ANKDD1B: variants seen among roughly 807,000 people sequenced by gnomAD.
The protein encoded by ANKDD1B is ankyrin repeat and death domain containing 1B, also known as ankyrin repeat and death domain-containing protein 1B.
Under a neutral mutation model 59.7 loss-of-function variants are expected in ANKDD1B, and 57 were observed. That is an observed-to-expected ratio of 0.95 (90% CI 0.77 to 1.19). The LOEUF is 1.19. Ranked by LOEUF, ANKDD1B falls within the 50% of genes most tolerant of loss-of-function variation. The pLI is 0.00. For missense variants in ANKDD1B, 602 were observed against 641.9 expected (o/e 0.94, Z 0.67); for synonymous variants, 216 against 239.5 (o/e 0.90, Z 0.91).
intron 5 of ANKDD1B, among the ~76,000 whole-genome samples, chr5:75,628,434 G>A (rs1207978814): frequency 6.6e-6 from 1 of 152,172 alleles, no homozygotes; most frequent in Non-Finnish European, 1.5e-5. Flanking sequence ...AGTTGCAACT[G>A]GGATCAGAAG....
At chr5:75,633,950 G>A (rs1239538968) in intron 5 of ANKDD1B, among the ~76,000 whole-genome samples, 1 of 152,176 alleles carries the variant, frequency 6.6e-6, no homozygotes, top group African/African-American at 2.4e-5. Context: ...ATGCTCTTGG[G>A]TTTTGTCCCT....
intron 5 of ANKDD1B, among the ~76,000 whole-genome samples, chr5:75,628,354 T>C (rs990666733): frequency 1.3e-5 from 2 of 152,180 alleles, no homozygotes; most frequent in South Asian, 2.1e-4. Flanking sequence ...ATACACTTAA[T>C]AATGGTTAAG....
intron 7 of ANKDD1B, among the ~76,000 whole-genome samples, chr5:75,637,268 A>AAAAAAAAAAAAAAAAAAAAAAAAAAAAC (rs1774342419): frequency 6.9e-6 from 1 of 145,400 alleles, no homozygotes; most frequent in Non-Finnish European, 1.5e-5. Context: ...AAAAAAAAAA[A>AAAAAAAAAAAAAAAAAAAAAAAAAAAAC]AAAAAGAAAG....
At chr5:75,615,470 T>C (rs1469148556) in intron 1 of ANKDD1B, among the ~76,000 whole-genome samples, 2 of 151,992 alleles carry the variant, frequency 1.3e-5, no homozygotes, top group East Asian at 3.8e-4. Flanking sequence ...AGAATGAACA[T>C]GTGAATCTGC....
chr5:75,635,068 A>G, intron 6 of ANKDD1B, 72 bp downstream of exon 6: 3 of 986,432 alleles, frequency 3.0e-6, no homozygotes, highest in Non-Finnish European at 3.0e-6. Context: ...AGGGGTAACA[A>G]TTGGCATGTA....
chr5:75,652,605 GC>G (rs1329704696), intron 7 of ANKDD1B, among the ~76,000 whole-genome samples: 1 of 152,102 alleles, frequency 6.6e-6, no homozygotes, highest in Non-Finnish European at 1.5e-5. Context: ...ACACCACCAA[GC>G]CCAGCTAATT....
At chr5:75,632,013 A>C (rs1774175429) in intron 5 of ANKDD1B, among the ~76,000 whole-genome samples, 1 of 151,670 alleles carries the variant, frequency 6.6e-6, no homozygotes, top group South Asian at 2.1e-4. Context: ...AGGCTGACGC[A>C]GGAGACTTCC....
At position 75,666,832 on chromosome 5, in the gene ANKDD1B, C is replaced by T; in HGVS notation, c.1232C>T (p.Thr411Ile). Reference sequence around the variant, plus strand: ...ATCAGGGACCCGTCAACAGGCTTTACTCTGACATTCAAGCAAGATCACAGT... The same window carrying T: ...ATCAGGGACCCGTCAACAGGCTTTATTCTGACATTCAAGCAAGATCACAGT... Reference protein sequence around the residue: ...ESIRDPSTGFTLTFKQDHSLE... With the variant: ...ESIRDPSTGFILTFKQDHSLE... Residue 411 changes from threonine (T) to isoleucine (I), a missense_variant, in exon 12 of 14, where the codon ACT becomes ATT. Around this residue, in one of 3 missense-constraint regions of ANKDD1B, gnomAD observed 280 missense variants for 319.8 expected, o/e 0.88. Coordinates refer to ENST00000601380, the MANE Select transcript of ANKDD1B (RefSeq NM_001276713.2). The T allele has an allele frequency of 1.3e-6, 2 of 1,535,988 alleles. No homozygotes were observed. Among genetic ancestry groups the T allele is most frequent in the South Asian group, 1.2e-5 (1 of 84,056 alleles).
intron 12 of ANKDD1B, 103 bp downstream of exon 12, chr5:75,667,096 A>T (rs1775330318): frequency 2.8e-6 from 2 of 720,366 alleles, no homozygotes; most frequent in South Asian, 6.6e-5. Flanking sequence ...ACTCACAATA[A>T]GCTGCAGTCT....
chr5:75,654,192 C>G (rs903814231), intron 8 of ANKDD1B, among the ~76,000 whole-genome samples: 4 of 152,186 alleles, frequency 2.6e-5, no homozygotes, highest in Non-Finnish European at 5.9e-5. Flanking sequence ...GTCCCCTCGT[C>G]TCCCCTCCCT....
At chr5:75,624,876 A>G (rs1171003529) in intron 3 of ANKDD1B, among the ~76,000 whole-genome samples, 7 of 152,174 alleles carry the variant, frequency 4.6e-5, no homozygotes, top group African/African-American at 1.7e-4. Flanking sequence ...TTTATTGTCT[A>G]TCTTATTTTC....
chr5:75,671,232 T>C lies in ANKDD1B; in HGVS notation c.*192T>C, dbSNP rs1285444461. The C allele has an allele frequency of 5.5e-6, 2 of 361,258 alleles. No individual in the cohort carries two copies. The highest frequency in any genetic ancestry group is 4.0e-5 in the East Asian group (1 of 25,308). The allele number at this position is 361,258 out of a possible 1,614,324, so 22.4% of individuals were successfully genotyped here. Reference sequence around the variant, plus strand: ...AAAAGTCAAATATAGTTTTTTTTGCTGAGGGCAAGTTGTATGTGATTTTCC... The same window carrying C: ...AAAAGTCAAATATAGTTTTTTTTGCCGAGGGCAAGTTGTATGTGATTTTCC... On this transcript the variant is annotated 3_prime_UTR_variant, in exon 14 of 14. Coordinates refer to ENST00000601380, the MANE Select transcript of ANKDD1B (RefSeq NM_001276713.2).
chr5:75,652,139 C>G (rs1774849967), intron 7 of ANKDD1B, among the ~76,000 whole-genome samples: 2 of 152,202 alleles, frequency 1.3e-5, no homozygotes, highest in African/African-American at 2.4e-5. Flanking sequence ...TTTCCAGCAG[C>G]ATCCTTAATT....
chr5:75,618,113 A>C (rs1773760116), intron 2 of ANKDD1B, among the ~76,000 whole-genome samples: 1 of 152,182 alleles, frequency 6.6e-6, no homozygotes, highest in Non-Finnish European at 1.5e-5. Flanking sequence ...ACAAAAAGAA[A>C]AAAAAAGAAA....
At position 75,634,942 on chromosome 5, in the gene ANKDD1B, T is replaced by C. The variant is rs1451053831; in HGVS notation, c.645T>C (p.Val215=). ...PFLLAAERGH[V]EMIEKLTFLN... is the part of the protein sequence containing the mutation. ...TTTTGGCAGCTGAGAGGGGCCATGT[T>C]GAAATGATAGAAAAACTTACCTTCC... The change falls in exon 6 of 14, where the codon GTT becomes GTC. Residue 215 remains valine (V), a synonymous_variant. Coordinates refer to ENST00000601380, the MANE Select transcript of ANKDD1B (RefSeq NM_001276713.2). The C allele has an allele frequency of 6.5e-7, 1 of 1,535,798 alleles. No homozygotes were observed. Among genetic ancestry groups the C allele is most frequent in the East Asian group, 2.4e-5 (1 of 40,922 alleles).
Position 75,670,978 on chromosome 5 carries a change from GAA to G in ANKDD1B, c.1528_1529del (p.Lys510AspfsTer9). On this transcript the variant is annotated frameshift_variant and splice_region_variant, in exon 14 of 14. Transcript: ENST00000601380. LOFTEE classifies it high-confidence loss of function. Reference protein sequence around the residue: ...LVHAGFPKLAEKTRHFKSKTD... With the variant: ...LVHAGFPKLAXKTRHFKSKTD... ...CATAAATGTTATCTTATTTTTTCCA[GAA>G]AAGACTCGTCATTTCAAAAGCAAAA... 2 of 1,222,692 alleles carry G rather than the reference GAA, an allele frequency of 1.6e-6. No individual in the cohort carries two copies. Among genetic ancestry groups the G allele is most frequent in the Non-Finnish European group, 1.0e-6 (1 of 979,552 alleles). 75.7% of individuals were successfully genotyped at this position (1,222,692 alleles called of 1,614,324 possible). A position where few individuals can be genotyped will look rare whatever the true frequency, so the allele number is the denominator to read the frequency against.
At chr5:75,652,673 A>G (rs1470410415) in intron 7 of ANKDD1B, among the ~76,000 whole-genome samples, 1 of 152,222 alleles carries the variant, frequency 6.6e-6, no homozygotes. Context: ...TCCTGGGCTC[A>G]AGTGATCTAC....
chr5:75,648,996 T>C (rs1367556241), intron 7 of ANKDD1B, among the ~76,000 whole-genome samples: 1 of 152,152 alleles, frequency 6.6e-6, no homozygotes, highest in Non-Finnish European at 1.5e-5. Flanking sequence ...TGAATGTAGT[T>C]GACACCTGGC....
intron 7 of ANKDD1B, among the ~76,000 whole-genome samples, chr5:75,649,484 G>A (rs1406061539): frequency 2.0e-5 from 3 of 151,886 alleles, no homozygotes; most frequent in Admixed American, 6.6e-5. Context: ...ATTTTTTTAT[G>A]TTTTACATTT....
Sources: gnomAD v4.1 joint callset for allele counts (sites outside exome capture counted in the v4.1 genomes callset) on GRCh38, gnomAD v4.1.1 for gene constraint, gnomAD v4.1.1 regional missense constraint, MANE v1.5 for transcripts, NCBI Gene and HGNC (gene_info 2026-07-23, HGNC 2026-07-21) for gene names.